Variants in CADPS observed in about 807,000 individuals in gnomAD.
The protein encoded by CADPS is calcium-dependent secretion activator 1.
In CADPS, 57 loss-of-function variants were observed where a neutral mutation model predicts 167.3. That is an observed-to-expected ratio of 0.34 (90% CI 0.28 to 0.42). The LOEUF (loss-of-function observed/expected upper bound fraction) is 0.42. Among genes scored for constraint, CADPS ranks in the 20% least tolerant of loss-of-function variants. The pLI is 1.00. For missense variants in CADPS, 1,414 were observed against 1,738.1 expected, an observed-to-expected ratio of 0.81 and a Z score of 3.32; for synonymous variants, 676 against 635.3, an observed-to-expected ratio of 1.06 and a Z score of -0.96.
At chr3:62,855,613 G>A (rs1318304738) in intron 1 of CADPS, among the ~76,000 whole-genome samples, 2 of 152,032 alleles carry the variant, frequency 1.3e-5, no homozygotes, top group Non-Finnish European at 2.9e-5. Flanking sequence ...TAAAATTATG[G>A]TTAACTTAAA....
chr3:62,491,491 T>A lies in CADPS; in HGVS notation c.2885-11A>T. ...CATTGCACAAATTATCTAGAACAGA[T>A]AAGCAAAAGCTTGTTAAGAACCCAC... On this transcript the variant is annotated splice_polypyrimidine_tract_variant and intron_variant, in intron 20 of 29. Coordinates refer to ENST00000383710, the MANE Select transcript of CADPS (RefSeq NM_003716.4). 1 of 1,612,364 alleles carries A rather than the reference T, an allele frequency of 6.2e-7. No individual in the cohort carries two copies. Among genetic ancestry groups the A allele is most frequent in the Non-Finnish European group, 8.5e-7 (1 of 1,179,520 alleles).
At chr3:62,586,792 T>C (rs1005175334) in intron 7 of CADPS, among the ~76,000 whole-genome samples, 4 of 152,318 alleles carry the variant, frequency 2.6e-5, no homozygotes, top group East Asian at 1.9e-4. Flanking sequence ...ACATTTTATA[T>C]TACATAAGTT....
chr3:62,697,445 T>C lies in CADPS; in HGVS notation c.889-35051A>G, dbSNP rs147791507. ...ACTGAGAATGCCATTAATTCATTCT[T>C]TTTTATGGCTGAGTAGCATTCTATC... On this transcript the variant is annotated intron_variant, in intron 3 of 29. Coordinates refer to ENST00000383710, the MANE Select transcript of CADPS (RefSeq NM_003716.4). Among the ~76,000 whole-genome samples the C allele has an allele frequency of 4.9e-3, 752 of 152,218 alleles. 11 individuals carry two copies. Among genetic ancestry groups the C allele is most frequent in the African/African-American group, 0.017 (719 of 41,508 alleles).
intron 1 of CADPS, among the ~76,000 whole-genome samples, chr3:62,819,357 T>C (rs1004784924): frequency 6.6e-6 from 1 of 151,956 alleles, no homozygotes; most frequent in Non-Finnish European, 1.5e-5. Flanking sequence ...TCACAACATG[T>C]TGGAAGACCA....
chr3:62,682,331 G>A lies in CADPS; in HGVS notation c.889-19937C>T, dbSNP rs991184099. Among the ~76,000 whole-genome samples, 12 of 152,130 alleles carry A rather than the reference G, an allele frequency of 7.9e-5. No homozygotes were observed. The East Asian group carries it at 1.7e-3, about 22-fold the overall frequency. On this transcript the variant is annotated intron_variant, in intron 3 of 29. Transcript: ENST00000383710. ...CCTAGGAAGCAGTGAATCACTAAAT[G>A]ACCAGAAAATGCCAGAATGGACTGG...
intron 24 of CADPS, 164 bp downstream of exon 24, chr3:62,474,009 T>C (rs954690304): frequency 3.8e-6 from 2 of 531,296 alleles, no homozygotes; most frequent in African/African-American, 4.0e-5. Context: ...AGAAATCTAC[T>C]TGACAAACAG....
intron 6 of CADPS, among the ~76,000 whole-genome samples, chr3:62,641,780 C>G (rs1020813693): frequency 6.6e-6 from 1 of 152,086 alleles, no homozygotes; most frequent in Non-Finnish European, 1.5e-5. Flanking sequence ...TGGAAACAAC[C>G]CACAGGTAGC....
At chr3:62,811,812 A>C (rs1041485893) in intron 1 of CADPS, among the ~76,000 whole-genome samples, 2 of 152,206 alleles carry the variant, frequency 1.3e-5, no homozygotes, top group Non-Finnish European at 2.9e-5. Flanking sequence ...GTCGTAATTT[A>C]AGCAAATTAA....
chr3:62,861,500 A>AT (rs2080797517), intron 1 of CADPS, among the ~76,000 whole-genome samples: 1 of 152,174 alleles, frequency 6.6e-6, no homozygotes, highest in Non-Finnish European at 1.5e-5. Context: ...ATTTTCTAAG[A>AT]TTTTTGTACA....
intron 7 of CADPS, among the ~76,000 whole-genome samples, chr3:62,585,882 T>C (rs558407116): frequency 6.6e-6 from 1 of 152,212 alleles, no homozygotes; most frequent in African/African-American, 2.4e-5. Flanking sequence ...GGAAATCTTA[T>C]CACACAACAT....
Position 62,504,533 on chromosome 3 carries a change from T to C in CADPS, c.2600-5265A>G, listed in dbSNP as rs147305720. On this transcript the variant is annotated intron_variant, in intron 17 of 29. Coordinates refer to ENST00000383710, the MANE Select transcript of CADPS (RefSeq NM_003716.4). ...CGCCTCTGGGTTGATCTGTCACCCA[T>C]GAGGCAGCAGATACATATTTCAGCT... is the stretch of plus-strand genomic sequence containing the variant. 5.1e-3 allele frequency among the ~76,000 whole-genome samples: 781 copies of C among 152,300 alleles called. 8 individuals carry two copies. The highest frequency in any genetic ancestry group is 0.018 in the African/African-American group (744 of 41,556).
chr3:62,635,872 A>G (rs2066205106), intron 6 of CADPS, among the ~76,000 whole-genome samples: 1 of 152,272 alleles, frequency 6.6e-6, no homozygotes, highest in South Asian at 2.1e-4. Flanking sequence ...ACATTTATTA[A>G]TCATCTTTAC....
At chr3:62,752,054 C>T (rs991140802) in intron 3 of CADPS, among the ~76,000 whole-genome samples, 4 of 152,108 alleles carry the variant, frequency 2.6e-5, no homozygotes, top group Non-Finnish European at 5.9e-5. Flanking sequence ...GGTTTAGGAA[C>T]ACTTGACTCT....
chr3:62,606,460 T>G (rs2060709443), intron 6 of CADPS, among the ~76,000 whole-genome samples: 3 of 152,284 alleles, frequency 2.0e-5, no homozygotes. Flanking sequence ...TGGGATGACT[T>G]GTGCCACCTT....
chr3:62,451,761 A>C (rs946854068), intron 26 of CADPS, among the ~76,000 whole-genome samples: 7 of 152,188 alleles, frequency 4.6e-5, no homozygotes, highest in African/African-American at 1.7e-4. Flanking sequence ...AAGGGCTAGC[A>C]AAATTTACTT....
At chr3:62,696,118 C>T (rs1273815195) in intron 3 of CADPS, among the ~76,000 whole-genome samples, 2 of 151,982 alleles carry the variant, frequency 1.3e-5, no homozygotes, top group African/African-American at 4.8e-5. Context: ...TGACCTGGGC[C>T]ACTAATTAAG....
chr3:62,764,462 C>T (rs1415904499), intron 2 of CADPS, among the ~76,000 whole-genome samples: 2 of 152,076 alleles, frequency 1.3e-5, no homozygotes. Flanking sequence ...AAAATAGATC[C>T]AAATAAAAAT....
intron 26 of CADPS, among the ~76,000 whole-genome samples, chr3:62,452,721 C>T (rs1230191799): frequency 1.3e-5 from 2 of 152,056 alleles, no homozygotes; most frequent in Non-Finnish European, 2.9e-5. Context: ...ATAACTGTAA[C>T]AGAAGGAGAG....
chr3:62,746,370 C>T (rs1274427071), intron 3 of CADPS, among the ~76,000 whole-genome samples: 1 of 152,200 alleles, frequency 6.6e-6, no homozygotes. Context: ...CTCGCTCTCT[C>T]AGCCAGGCTG....
Sources: allele counts gnomAD v4.1 joint callset (sites outside exome capture counted in the v4.1 genomes callset), GRCh38; gene constraint gnomAD v4.1.1; transcripts MANE v1.5; gene names NCBI Gene and HGNC (gene_info 2026-07-23, HGNC 2026-07-21).